The following ERVK3-1 variants were observed in gnomAD, a reference collection of about 807,000 sequenced individuals.
ERVK3-1 encodes the protein endogenous retrovirus group K3 member 1.
intron 2 of ERVK3-1, among the ~76,000 whole-genome samples, chr19:58,307,792 C>T (rs1297640664): frequency 6.6e-6 from 1 of 152,182 alleles, no homozygotes; most frequent in African/African-American, 2.4e-5. Flanking sequence ...TGAGGGCATT[C>T]CCCATCCAGG....
chr19:58,312,919 C>T lies in ERVK3-1; in HGVS notation c.294+457C>T, dbSNP rs1237354540. The T allele has an allele frequency of 6.5e-6, 1 of 152,818 alleles. No individual in the cohort carries two copies. The highest frequency in any genetic ancestry group is 2.4e-5 in the African/African-American group (1 of 41,500). 9.5% of individuals were successfully genotyped at this position (152,818 alleles called of 1,614,324 possible). A position where few individuals can be genotyped will look rare whatever the true frequency, so the allele number is the denominator to read the frequency against. On this transcript the variant is annotated intron_variant, in intron 3 of 3. Transcript: ENST00000413518. The surrounding 1 kb of genome is among the most constrained non-coding windows in gnomAD (Gnocchi z 4.7). ...GACAACAGTCTATGTTAATGGGAAA[C>T]ATTGACTGGGGTCCCCGTGGCCATT...
intron 3 of ERVK3-1, among the ~76,000 whole-genome samples, chr19:58,314,492 TGGC>T (rs1331531575): frequency 6.6e-6 from 1 of 151,958 alleles, no homozygotes; most frequent in Non-Finnish European, 1.5e-5. Flanking sequence ...CTGGGTGTGG[TGGC>T]GGGCACCTGT....
At chr19:58,305,492 G>A (rs2147967108) in intron 1 of ERVK3-1, 47 bp downstream of exon 1, 1 of 152,880 alleles carries the variant, frequency 6.5e-6, no homozygotes, top group African/African-American at 2.4e-5. Context: ...GAGGGATGGA[G>A]AGGCGCCCGT....
At chr19:58,311,445 A>G (rs569448047) in intron 2 of ERVK3-1, 1 of 152,202 alleles carries the variant, frequency 6.6e-6, no homozygotes, top group African/African-American at 2.4e-5. Context: ...CCCATGCTTT[A>G]CTGCATCAGA....
In ERVK3-1 at chr19:58,309,521, C is replaced by T. The variant is rs140007562; in HGVS notation, c.-3-2645C>T. 364 of 152,340 alleles carry T rather than the reference C, an allele frequency of 2.4e-3. 2 individuals carry two copies. Among genetic ancestry groups the T allele is most frequent in the African/African-American group, 8.4e-3 (351 of 41,582 alleles). The allele number at this position is 152,340 out of a possible 1,614,324, so 9.4% of individuals were successfully genotyped here. ...TCAACTCACTCATGTTTATCAAACC[C>T]TCCAAGGAGATTCTTCATTAGATTC... On this transcript the variant is annotated intron_variant, in intron 2 of 3. Coordinates refer to ENST00000413518, the Ensembl canonical transcript of ERVK3-1.
At chr19:58,316,527 T>C (rs2051593750), downstream of ERVK3-1, among the ~76,000 whole-genome samples, 1 of 152,112 alleles carries the variant, frequency 6.6e-6, no homozygotes, top group South Asian at 2.1e-4. Flanking sequence ...AAAAATTAGC[T>C]GGGCGTGGTG....
downstream of ERVK3-1, among the ~76,000 whole-genome samples, chr19:58,316,086 G>A (rs576882597): frequency 6.6e-5 from 10 of 152,136 alleles, no homozygotes; most frequent in Non-Finnish European, 1.5e-4. Context: ...AGATGGTGGG[G>A]TGGCAGTCAC....
intron 1 of ERVK3-1, among the ~76,000 whole-genome samples, 173 bp downstream of exon 1, chr19:58,305,618 C>CAGAAGG: frequency 1.3e-5 from 2 of 151,968 alleles, no homozygotes; most frequent in Admixed American, 6.6e-5. Context: ...GCGCGACCTG[C>CAGAAGG]CATGTCCTGC....
chr19:58,306,962 C>G (rs935345831), intron 2 of ERVK3-1, among the ~76,000 whole-genome samples: 2 of 152,242 alleles, frequency 1.3e-5, no homozygotes, highest in Non-Finnish European at 2.9e-5. Context: ...TTAGCTTGCA[C>G]TTGTTTCTCT....
rs569774369 is a variant in ERVK3-1, at chr19:58,312,804, A to G, written c.294+342A>G. Reference sequence around the variant, plus strand: ...GTGTTCACCAATCACTCCTAGCCCCATCACTCAAATTGTATGGATTATATG... The same window carrying G: ...GTGTTCACCAATCACTCCTAGCCCCGTCACTCAAATTGTATGGATTATATG... On this transcript the variant is annotated intron_variant, in intron 3 of 3. Transcript: ENST00000413518. The surrounding 1 kb of genome is among the most constrained non-coding windows in gnomAD (Gnocchi z 4.7). Among the ~76,000 whole-genome samples the G allele has an allele frequency of 1.3e-5, 2 of 152,280 alleles. No individual in the cohort carries two copies. Among genetic ancestry groups the G allele is most frequent in the East Asian group, 1.9e-4 (1 of 5,180 alleles).
At chr19:58,314,186 G>A (rs2051575002) in intron 3 of ERVK3-1, among the ~76,000 whole-genome samples, 1 of 152,126 alleles carries the variant, frequency 6.6e-6, no homozygotes. Flanking sequence ...ATGGAACCTT[G>A]TAAAAGCTCA....
chr19:58,305,890 A>C (rs1025056617), intron 1 of ERVK3-1, among the ~76,000 whole-genome samples, 198 bp from the exon 2 acceptor site: 1 of 152,150 alleles, frequency 6.6e-6, no homozygotes, highest in Non-Finnish European at 1.5e-5. Flanking sequence ...GAAAGCAGTC[A>C]TGTGGGCCTG....
intron 1 of ERVK3-1, among the ~76,000 whole-genome samples, 155 bp downstream of exon 1, chr19:58,305,600 G>GTCACCGCTTATGCGCC: frequency 1.3e-5 from 2 of 152,104 alleles, no homozygotes; most frequent in Admixed American, 6.5e-5. Flanking sequence ...GGCGCGCGGT[G>GTCACCGCTTATGCGCC]CGTGAGGGCG....
At chr19:58,315,991 G>A (rs1285168443), downstream of ERVK3-1, among the ~76,000 whole-genome samples, 1 of 152,170 alleles carries the variant, frequency 6.6e-6, no homozygotes, top group African/African-American at 2.4e-5. Context: ...GACCTCGGGT[G>A]CCCCCTACCC....
rs895788729 is a variant in ERVK3-1, at chr19:58,310,836, C to G, written c.-3-1330C>G. On this transcript the variant is annotated intron_variant, in intron 2 of 3. Transcript: ENST00000413518. The surrounding 1 kb of genome is among the most constrained non-coding windows in gnomAD (Gnocchi z 4.7). ...CCCCAGGGAAAGGGAGACCGCCCCCCACCCTTTCCCGGTCTGCTAAGTAGC... is the reference window on the plus strand; with the variant it reads ...CCCCAGGGAAAGGGAGACCGCCCCCGACCCTTTCCCGGTCTGCTAAGTAGC... 5.1e-6 allele frequency: 2 copies of G among 393,018 alleles called. No homozygotes were observed. The highest frequency in any genetic ancestry group is 2.5e-5 in the Admixed American group (1 of 39,310). 24.3% of individuals were successfully genotyped at this position (393,018 alleles called of 1,614,324 possible). A position where few individuals can be genotyped will look rare whatever the true frequency, so the allele number is the denominator to read the frequency against.
At chr19:58,316,638 T>A (rs927377942), downstream of ERVK3-1, among the ~76,000 whole-genome samples, 1 of 152,174 alleles carries the variant, frequency 6.6e-6, no homozygotes, top group Admixed American at 6.6e-5. Context: ...GCCTTTGCAC[T>A]CCAGCCTGGG....
At chr19:58,314,807 T>C in exon 4 of ERVK3-1, 1 of 400,124 alleles carries the variant, frequency 2.5e-6, no homozygotes, top group Non-Finnish European at 4.4e-6. Flanking sequence ...TGAAATTACC[T>C]TTATTCAATT....
rs2051546441 is a variant in ERVK3-1 at position 58,310,021 on chromosome 19, C to A, written c.-3-2145C>A. ...TCCCCCTGTGATTGCTCATCACAAA[C>A]CCATTTCAGGTGGACAGACCTATTT... On this transcript the variant is annotated intron_variant, in intron 2 of 3. Coordinates refer to ENST00000413518, the Ensembl canonical transcript of ERVK3-1. The surrounding 1 kb of genome is among the most constrained non-coding windows in gnomAD (Gnocchi z 4.7). 1 of 152,136 alleles carries A rather than the reference C, an allele frequency of 6.6e-6. No homozygotes were observed. The highest frequency in any genetic ancestry group is 2.1e-4 in the South Asian group (1 of 4,830). 9.4% of individuals were successfully genotyped at this position (152,136 alleles called of 1,614,324 possible). A position where few individuals can be genotyped will look rare whatever the true frequency, so the allele number is the denominator to read the frequency against.
At chr19:58,308,000 A>G (rs1290506900) in intron 2 of ERVK3-1, among the ~76,000 whole-genome samples, 2 of 152,244 alleles carry the variant, frequency 1.3e-5, no homozygotes, top group African/African-American at 4.8e-5. Flanking sequence ...GGCCAAAGCC[A>G]TCTGAACTTA....
Sources: gnomAD v4.1 joint callset for allele counts (sites outside exome capture counted in the v4.1 genomes callset) on GRCh38, gnomAD v4.1.1 for gene constraint, Gnocchi (gnomAD v3.1) non-coding constraint, MANE v1.5 for transcripts, NCBI Gene and HGNC (gene_info 2026-07-23, HGNC 2026-07-21) for gene names.